Variants in ZNRF1 observed in about 807,000 individuals in gnomAD.
ZNRF1 encodes E3 ubiquitin-protein ligase ZNRF1.
ZNRF1 carries 3 observed loss-of-function variants against 18.4 expected under a neutral mutation model. The ratio of observed to expected loss-of-function variants is 0.16; its 90% CI spans 0.07 to 0.42. The LOEUF is 0.42. Among genes scored for constraint, ZNRF1 ranks in the 10% least tolerant of loss-of-function variants. The pLI is 0.99. For missense variants in ZNRF1, 310 were observed against 329.8 expected, an observed-to-expected ratio of 0.94 and a Z score of 0.47; for synonymous variants, 157 against 144.2, an observed-to-expected ratio of 1.09 and a Z score of -0.64.
At chr16:75,092,366 G>A (rs1416032997) in intron 1 of ZNRF1, among the ~76,000 whole-genome samples, 2 of 152,110 alleles carry the variant, frequency 1.3e-5, no homozygotes, top group Non-Finnish European at 2.9e-5. Flanking sequence ...GTTGTTTGAG[G>A]GTCAGCTGTT....
rs114883754 is a variant in ZNRF1, at chr16:75,074,175, G to A, written c.425-19397G>A. Among the ~76,000 whole-genome samples the A allele has an allele frequency of 3.6e-3, 546 of 152,266 alleles. 2 individuals carry two copies. The highest frequency in any genetic ancestry group is 0.013 in the African/African-American group (522 of 41,542). ...AGTCTGTTCTGCTCTCCTGCTGTCC[G>A]TGACCGTTGCTAGACCTCCTGTATG... On this transcript the variant is annotated intron_variant, in intron 1 of 4. Transcript: ENST00000335325.
At chr16:75,034,038 G>T (rs952047861) in intron 1 of ZNRF1, among the ~76,000 whole-genome samples, 13 of 151,816 alleles carry the variant, frequency 8.6e-5, no homozygotes, top group Non-Finnish European at 1.3e-4. Flanking sequence ...CACACCTGTA[G>T]TCCCAGCTAC....
At chr16:75,074,620 T>A (rs143739879) in intron 1 of ZNRF1, among the ~76,000 whole-genome samples, 31 of 152,300 alleles carry the variant, frequency 2.0e-4, no homozygotes, top group Admixed American at 1.8e-3. Flanking sequence ...ACGACACGCT[T>A]GAACTGGGGT....
At chr16:75,055,049 A>G (rs1396697763) in intron 1 of ZNRF1, among the ~76,000 whole-genome samples, 3 of 152,170 alleles carry the variant, frequency 2.0e-5, no homozygotes, top group Non-Finnish European at 2.9e-5. Context: ...GCCCTTTGTA[A>G]CAGGCAGACT....
chr16:75,018,228 C>G (rs1388493435), intron 1 of ZNRF1, among the ~76,000 whole-genome samples: 2 of 152,086 alleles, frequency 1.3e-5, no homozygotes, highest in Non-Finnish European at 2.9e-5. Context: ...TTAGGATACC[C>G]TATAGTTTTG....
intron 1 of ZNRF1, among the ~76,000 whole-genome samples, chr16:75,026,943 C>T (rs1159591360): frequency 6.6e-6 from 1 of 150,918 alleles, no homozygotes; most frequent in African/African-American, 2.4e-5. Context: ...TCACTAATAA[C>T]AGACATTTAT....
chr16:75,049,757 G>A (rs184760924), intron 1 of ZNRF1, among the ~76,000 whole-genome samples: 5 of 152,198 alleles, frequency 3.3e-5, no homozygotes, highest in Admixed American at 3.3e-4. Context: ...TAATTACAGT[G>A]CAATAGCAAA....
intron 1 of ZNRF1, among the ~76,000 whole-genome samples, chr16:75,067,727 A>G (rs1378952991): frequency 6.6e-6 from 1 of 152,208 alleles, no homozygotes; most frequent in African/African-American, 2.4e-5. Context: ...TGCTTAATAG[A>G]TAATGTTAGG....
At chr16:75,012,872 T>G (rs1001310912) in intron 1 of ZNRF1, among the ~76,000 whole-genome samples, 7 of 152,204 alleles carry the variant, frequency 4.6e-5, no homozygotes, top group African/African-American at 1.4e-4. Flanking sequence ...TTTGTACTTT[T>G]CTTCAAAGCC....
At chr16:75,054,599 G>A (rs2035645985) in intron 1 of ZNRF1, among the ~76,000 whole-genome samples, 1 of 152,138 alleles carries the variant, frequency 6.6e-6, no homozygotes, top group Non-Finnish European at 1.5e-5. Context: ...TTTAATTCAG[G>A]GCCTAAGGAA....
intron 1 of ZNRF1, among the ~76,000 whole-genome samples, chr16:75,052,451 CTCACAT>C (rs1652178088): frequency 6.6e-6 from 1 of 151,946 alleles, no homozygotes; most frequent in Non-Finnish European, 1.5e-5. Flanking sequence ...CCCCACCTGC[CTCACAT>C]TGTGAGTCAG....
chr16:75,066,045 A>C (rs1394967611), intron 1 of ZNRF1, among the ~76,000 whole-genome samples: 1 of 152,232 alleles, frequency 6.6e-6, no homozygotes, highest in Non-Finnish European at 1.5e-5. Context: ...CCACAGGGTC[A>C]GAAGGCATCT....
chr16:75,051,531 TG>T (rs1222222271), intron 1 of ZNRF1, among the ~76,000 whole-genome samples: 1 of 151,008 alleles, frequency 6.6e-6, no homozygotes, highest in South Asian at 2.1e-4. Flanking sequence ...TTTTTTTTTT[TG>T]GGGGGGACGG....
intron 1 of ZNRF1, among the ~76,000 whole-genome samples, chr16:75,027,213 A>G (rs141208675): frequency 2.6e-5 from 4 of 152,112 alleles, no homozygotes; most frequent in South Asian, 4.2e-4. Flanking sequence ...CAAGGCTGCA[A>G]TGAGCTGTGA....
At chr16:75,077,533 AAAAAC>A (rs2035955578) in intron 1 of ZNRF1, among the ~76,000 whole-genome samples, 1 of 152,274 alleles carries the variant, frequency 6.6e-6, no homozygotes, top group African/African-American at 2.4e-5. Flanking sequence ...TCCGTCTCAA[AAAAAC>A]AAACAAAAAA....
chr16:75,035,170 T>C (rs923815449), intron 1 of ZNRF1, among the ~76,000 whole-genome samples: 6 of 139,072 alleles, frequency 4.3e-5, no homozygotes, highest in African/African-American at 1.6e-4. Context: ...GCCTCCCAAG[T>C]AGCTGGGACT....
intron 1 of ZNRF1, among the ~76,000 whole-genome samples, chr16:75,072,390 T>C (rs1222916170): frequency 6.6e-6 from 1 of 152,202 alleles, no homozygotes. Context: ...CTAGTTACTT[T>C]TGGGACCTTG....
chr16:75,004,553 T>G (rs1162399854), intron 1 of ZNRF1, among the ~76,000 whole-genome samples: 1 of 152,230 alleles, frequency 6.6e-6, no homozygotes. Context: ...AAGTCTAAAC[T>G]GTTCTTTATT....
intron 1 of ZNRF1, among the ~76,000 whole-genome samples, chr16:75,020,518 C>T (rs1034708654): frequency 1.3e-5 from 2 of 151,530 alleles, no homozygotes; most frequent in African/African-American, 4.9e-5. Context: ...TTGCATTTTT[C>T]TCCTTTTCAG....
Sources: allele counts gnomAD v4.1 joint callset (sites outside exome capture counted in the v4.1 genomes callset), GRCh38; gene constraint gnomAD v4.1.1; transcripts MANE v1.5; gene names NCBI Gene and HGNC (gene_info 2026-07-23, HGNC 2026-07-21).